Variants in PTPRQ observed in about 807,000 individuals in gnomAD.
The protein encoded by PTPRQ is phosphatidylinositol phosphatase PTPRQ.
PTPRQ carries 199 observed loss-of-function variants against 246.0 expected under a neutral mutation model. The observed-to-expected ratio is 0.81, with a 90% confidence interval of 0.72 to 0.91. The LOEUF (loss-of-function observed/expected upper bound fraction) is 0.91. PTPRQ is among the 40% of genes least tolerant of loss of function. PTPRQ has a pLI of 0.00. For missense variants in PTPRQ, 2,624 were observed against 2,528.4 expected (o/e 1.04, Z -0.81); for synonymous variants, 869 against 853.2 (o/e 1.02, Z -0.32).
intron 14 of PTPRQ, among the ~76,000 whole-genome samples, chr12:80,504,380 A>G (rs1326258344): frequency 6.6e-6 from 1 of 151,616 alleles, no homozygotes; most frequent in East Asian, 1.9e-4. Flanking sequence ...ATTTAATATT[A>G]TTTACCATTA....
At chr12:80,665,044 A>T (rs543438130) in intron 39 of PTPRQ, among the ~76,000 whole-genome samples, 4 of 152,088 alleles carry the variant, frequency 2.6e-5, no homozygotes, top group Admixed American at 6.6e-5. Context: ...GAAGCCCCAA[A>T]ATAGGCCATC....
chr12:80,473,015 A>T (rs1336519813), intron 8 of PTPRQ, among the ~76,000 whole-genome samples: 1 of 143,446 alleles, frequency 7.0e-6, no homozygotes, highest in Non-Finnish European at 1.5e-5. Context: ...TGAAATGTAG[A>T]CATGTATACA....
intron 26 of PTPRQ, 71 bp from the exon 27 acceptor site, chr12:80,604,988 C>A: frequency 2.2e-6 from 3 of 1,356,684 alleles, no homozygotes; most frequent in Non-Finnish European, 2.9e-6. Flanking sequence ...TTTTCATGGT[C>A]TTTTCTATTA....
chr12:80,481,640 C>T (rs1894062129), intron 8 of PTPRQ, among the ~76,000 whole-genome samples: 1 of 152,002 alleles, frequency 6.6e-6, no homozygotes, highest in Non-Finnish European at 1.5e-5. Flanking sequence ...TGTCTCAGCC[C>T]AAAATCTCCT....
intron 33 of PTPRQ, among the ~76,000 whole-genome samples, chr12:80,622,516 T>C (rs1462125700): frequency 1.3e-5 from 2 of 151,944 alleles, no homozygotes; most frequent in African/African-American, 4.8e-5. Flanking sequence ...GCTGCTAAAT[T>C]TCCACAATGC....
chr12:80,510,651 C>A (rs757734088), intron 17 of PTPRQ, among the ~76,000 whole-genome samples: 1 of 151,918 alleles, frequency 6.6e-6, no homozygotes, highest in Non-Finnish European at 1.5e-5. Context: ...GCAATTAAAA[C>A]AAAAAATTAT....
At chr12:80,569,548 A>T in intron 25 of PTPRQ, among the ~76,000 whole-genome samples, 1 of 152,134 alleles carries the variant, frequency 6.6e-6, no homozygotes, top group African/African-American at 2.4e-5. Flanking sequence ...ATAATAATAA[A>T]TTAAAAACAA....
chr12:80,449,226 G>C (rs991814719), intron 3 of PTPRQ, among the ~76,000 whole-genome samples: 6 of 151,012 alleles, frequency 4.0e-5, no homozygotes, highest in African/African-American at 9.7e-5. Flanking sequence ...GGGGTTGTTT[G>C]TTTTTTTCTT....
intron 27 of PTPRQ, among the ~76,000 whole-genome samples, chr12:80,606,673 T>A (rs1387018101): frequency 6.6e-6 from 1 of 150,974 alleles, no homozygotes; most frequent in Non-Finnish European, 1.5e-5. Flanking sequence ...TTTGTAGTAT[T>A]CCTTAAATGG....
At chr12:80,579,499 T>C (rs1044186505) in intron 25 of PTPRQ, among the ~76,000 whole-genome samples, 32 of 152,206 alleles carry the variant, frequency 2.1e-4, no homozygotes, top group African/African-American at 7.0e-4. Flanking sequence ...TCCCAGATCT[T>C]CTTCTCTGTC....
At chr12:80,602,546 C>T (rs901417149) in intron 26 of PTPRQ, among the ~76,000 whole-genome samples, 3 of 151,806 alleles carry the variant, frequency 2.0e-5, no homozygotes, top group African/African-American at 4.8e-5. Flanking sequence ...AGGGGAGGAA[C>T]GCGTGTCCTC....
chr12:80,485,147 C>A (rs977453729), intron 9 of PTPRQ, among the ~76,000 whole-genome samples: 5 of 151,710 alleles, frequency 3.3e-5, no homozygotes, highest in African/African-American at 7.3e-5. Flanking sequence ...AATAAGAGGA[C>A]CAGGATCTTT....
At chr12:80,630,614 A>T (rs1946366240) in intron 33 of PTPRQ, among the ~76,000 whole-genome samples, 1 of 152,194 alleles carries the variant, frequency 6.6e-6, no homozygotes, top group Non-Finnish European at 1.5e-5. Flanking sequence ...ATATTTTGTC[A>T]TCCTGTAAAT....
intron 3 of PTPRQ, among the ~76,000 whole-genome samples, chr12:80,449,734 T>C (rs1435910385): frequency 1.3e-5 from 2 of 152,182 alleles, no homozygotes; most frequent in African/African-American, 4.8e-5. Flanking sequence ...CATTGATCTA[T>C]ATCTCTGTTT....
intron 17 of PTPRQ, among the ~76,000 whole-genome samples, chr12:80,531,593 C>A (rs914153099): frequency 3.9e-5 from 6 of 152,174 alleles, no homozygotes; most frequent in Non-Finnish European, 8.8e-5. Flanking sequence ...GTAACAGCTA[C>A]TAGGAAAATG....
chr12:80,610,812 G>A (rs1201374475), intron 28 of PTPRQ, among the ~76,000 whole-genome samples, 187 bp downstream of exon 28: 2 of 150,364 alleles, frequency 1.3e-5, no homozygotes, highest in East Asian at 3.9e-4. Context: ...GAGGTAAAGA[G>A]GAGTTATGTA....
At chr12:80,541,407 T>C in intron 20 of PTPRQ, 148 bp from the exon 21 acceptor site, 1 of 477,118 alleles carries the variant, frequency 2.1e-6, no homozygotes, top group Admixed American at 4.1e-5. Flanking sequence ...TATTTTATAA[T>C]AGGTGAATGT....
intron 3 of PTPRQ, among the ~76,000 whole-genome samples, chr12:80,449,530 TC>T (rs1036963791): frequency 6.6e-5 from 10 of 152,174 alleles, no homozygotes; most frequent in Non-Finnish European, 1.5e-4. Context: ...AAGTCTTTAA[TC>T]CATCTTGAAT....
Position 80,679,281 on chromosome 12 carries a change from C to T in PTPRQ, c.*258C>T. 3.1e-6 allele frequency: 1 copy of T among 321,672 alleles called. No homozygotes were observed. The highest frequency in any genetic ancestry group is 5.5e-6 in the Non-Finnish European group (1 of 181,642). The allele number at this position is 321,672 out of a possible 1,614,324, so 19.9% of individuals were successfully genotyped here. ...AGACATCCCATATGTTTTTGAAGTC[C>T]TCCATATTTTGGAATAAGCCAAATA... On this transcript the variant is annotated 3_prime_UTR_variant, in exon 45 of 45. Transcript: ENST00000644991.
Sources: gnomAD v4.1 joint callset for allele counts (sites outside exome capture counted in the v4.1 genomes callset) on GRCh38, gnomAD v4.1.1 for gene constraint, MANE v1.5 for transcripts, NCBI Gene and HGNC (gene_info 2026-07-23, HGNC 2026-07-21) for gene names.